Variants in LAMA2 observed in about 807,000 individuals in gnomAD.
LAMA2 encodes laminin subunit alpha-2.
In LAMA2, 269 loss-of-function variants were observed where a neutral mutation model predicts 364.8. The ratio of observed to expected loss-of-function variants is 0.74; its 90% CI spans 0.67 to 0.82. The LOEUF is 0.82. Among genes scored for constraint, LAMA2 ranks in the 40% least tolerant of loss-of-function variants. The pLI is 0.00. For synonymous variants in LAMA2, 1,379 were observed against 1,370.6 expected (o/e 1.01, Z -0.14); for missense variants, 3,807 against 3,873.2 (o/e 0.98, Z 0.45).
intron 3 of LAMA2, among the ~76,000 whole-genome samples, chr6:129,064,334 T>A: frequency 7.9e-6 from 1 of 127,110 alleles, no homozygotes; most frequent in Admixed American, 7.7e-5. Context: ...GATCTAAAAT[T>A]AACAACCTAA....
chr6:129,032,148 T>C (rs1786277791), intron 1 of LAMA2, among the ~76,000 whole-genome samples: 1 of 152,244 alleles, frequency 6.6e-6, no homozygotes, highest in South Asian at 2.1e-4. Flanking sequence ...GGAGAATCCC[T>C]TTATGTGTCC....
intron 12 of LAMA2, among the ~76,000 whole-genome samples, chr6:129,227,402 G>A (rs113156266): frequency 1.4e-4 from 21 of 152,206 alleles, no homozygotes; most frequent in Admixed American, 5.9e-4. Flanking sequence ...AGGAGGAGAG[G>A]CGCTCTGATT....
chr6:128,934,815 T>C (rs932476070), intron 1 of LAMA2, among the ~76,000 whole-genome samples: 3 of 152,212 alleles, frequency 2.0e-5, no homozygotes, highest in African/African-American at 7.2e-5. Flanking sequence ...GGCCATTTTT[T>C]CTACATTTTC....
chr6:129,191,740 T>C (rs908838089), intron 11 of LAMA2, among the ~76,000 whole-genome samples: 5 of 152,220 alleles, frequency 3.3e-5, no homozygotes, highest in South Asian at 2.1e-4. Flanking sequence ...AAATAGTCTA[T>C]GAAGAAATTT....
intron 10 of LAMA2, among the ~76,000 whole-genome samples, chr6:129,185,176 T>C (rs1781156256): frequency 6.6e-6 from 1 of 151,886 alleles, no homozygotes; most frequent in Admixed American, 6.6e-5. Flanking sequence ...TCAGTAGTAC[T>C]CCCAGCTGAC....
rs981372351 is a variant in LAMA2 at position 129,492,483 on chromosome 6, T to C, written c.8244T>C (p.His2748=). The C allele has an allele frequency of 1.3e-5, 21 of 1,603,766 alleles. No individual in the cohort carries two copies. Among genetic ancestry groups the C allele is most frequent in the Admixed American group, 8.3e-5 (5 of 59,892 alleles). ...AFPTPTPVLT[H]GPCAAESEPA... ...CTACGCCCACCCCAGTTCTGACACA[T>C]GTAAGTGTTTATATTATCCCCATTG... The change falls in exon 58 of 65, where the codon CAT becomes CAC. Residue 2748 remains histidine, a splice_region_variant and synonymous_variant. Coordinates refer to ENST00000421865, the MANE Select transcript of LAMA2 (RefSeq NM_000426.4).
Position 129,502,745 on chromosome 6 carries a change from A to G in LAMA2, c.8331A>G (p.Ala2777=), listed in dbSNP as rs1232909544. ...GLSRNSHIAI[A]FDDTKVKNRL... ...CAAGAAACAGTCACATTGCAATTGC[A>G]TTTGATGACACCAAAGTTAAAAACC... Residue 2777 remains alanine, a synonymous_variant, in exon 59 of 65, where the codon GCA becomes GCG. Transcript: ENST00000421865. 1 of 1,613,242 alleles carries G rather than the reference A, an allele frequency of 6.2e-7. No individual in the cohort carries two copies. Among genetic ancestry groups the G allele is most frequent in the Non-Finnish European group, 8.5e-7 (1 of 1,179,196 alleles).
chr6:129,098,331 C>T lies in LAMA2; in HGVS notation c.555C>T (p.Arg185=), dbSNP rs757937666. ...TAACGCTTTACAATATTTATCCCCG[C>T]ACTGGGCCACCGTCATATGCCAAAG... ...ECLTLYNIYP[R]TGPPSYAKDD... is the part of the protein sequence containing the mutation. The change falls in exon 4 of 65, where the codon CGC becomes CGT. Residue 185 remains arginine (R), a synonymous_variant. Coordinates refer to ENST00000421865, the MANE Select transcript of LAMA2 (RefSeq NM_000426.4). 1.2e-6 allele frequency: 2 copies of T among 1,613,878 alleles called. No individual in the cohort carries two copies. Among genetic ancestry groups the T allele is most frequent in the Middle Eastern group, 1.6e-4 (1 of 6,084 alleles).
intron 4 of LAMA2, among the ~76,000 whole-genome samples, chr6:129,109,413 G>A (rs1374014211): frequency 6.6e-6 from 1 of 152,014 alleles, no homozygotes; most frequent in African/African-American, 2.4e-5. Flanking sequence ...TTCTATAAGA[G>A]AGAACATAAT....
chr6:129,381,439 T>C (rs1778684312), intron 34 of LAMA2, among the ~76,000 whole-genome samples: 1 of 151,994 alleles, frequency 6.6e-6, no homozygotes, highest in African/African-American at 2.4e-5. Context: ...TGACCTTAGT[T>C]AGTGATTCAG....
intron 1 of LAMA2, among the ~76,000 whole-genome samples, chr6:129,010,215 C>T (rs1409794911): frequency 6.6e-6 from 1 of 152,146 alleles, no homozygotes; most frequent in African/African-American, 2.4e-5. Context: ...TATCTTGGGA[C>T]AGACTTATAT....
At chr6:129,405,116 A>G (rs1780182093) in intron 40 of LAMA2, among the ~76,000 whole-genome samples, 1 of 152,078 alleles carries the variant, frequency 6.6e-6, no homozygotes, top group Non-Finnish European at 1.5e-5. Flanking sequence ...ATCTTCTGTT[A>G]GATAATTTTC....
chr6:129,357,039 C>T (rs1281159983), intron 32 of LAMA2, among the ~76,000 whole-genome samples: 1 of 151,976 alleles, frequency 6.6e-6, no homozygotes, highest in African/African-American at 2.4e-5. Context: ...TTATTAATTT[C>T]CCAAATTAAG....
chr6:129,300,045 T>C (rs1773453151), intron 21 of LAMA2, among the ~76,000 whole-genome samples: 1 of 152,192 alleles, frequency 6.6e-6, no homozygotes, highest in Non-Finnish European at 1.5e-5. Context: ...GAAGATATTC[T>C]CAAACATTAT....
In LAMA2 at chr6:128,994,264, A is replaced by G. The variant is rs1783785798; in HGVS notation, c.113-55654A>G. On this transcript the variant is annotated intron_variant, in intron 1 of 64. Coordinates refer to ENST00000421865, the MANE Select transcript of LAMA2 (RefSeq NM_000426.4). ...ATTATTGCATTAGCTTAGTCAGTTT[A>G]CAGCTAGCTAGACAGTGCAAACTTG... Among the ~76,000 whole-genome samples, 3 of 152,338 alleles carry G rather than the reference A, an allele frequency of 2.0e-5. No individual in the cohort carries two copies. The South Asian group carries it at 6.2e-4, about 32-fold the overall frequency.
chr6:129,279,953 G>A, intron 17 of LAMA2, 108 bp from the exon 18 acceptor site: 3 of 774,574 alleles, frequency 3.9e-6, no homozygotes, highest in Non-Finnish European at 7.0e-6. Context: ...TGACCAGCCT[G>A]TACTCTTTTG....
chr6:129,242,717 C>T (rs1785478110), intron 12 of LAMA2, among the ~76,000 whole-genome samples: 1 of 152,124 alleles, frequency 6.6e-6, no homozygotes, highest in Non-Finnish European at 1.5e-5. Context: ...AAACAAACAG[C>T]TGTTGCAAAG....
chr6:129,130,764 TA>T (rs1777423930), intron 4 of LAMA2, among the ~76,000 whole-genome samples: 1 of 152,158 alleles, frequency 6.6e-6, no homozygotes, highest in Non-Finnish European at 1.5e-5. Context: ...CAAATAAGCA[TA>T]AAAATAATGC....
intron 32 of LAMA2, among the ~76,000 whole-genome samples, chr6:129,365,379 G>A (rs913965397): frequency 6.6e-6 from 1 of 151,934 alleles, no homozygotes; most frequent in African/African-American, 2.4e-5. Context: ...TTTATTTTTT[G>A]GGGGGTGGAG....
Sources: allele counts gnomAD v4.1 joint callset (sites outside exome capture counted in the v4.1 genomes callset), GRCh38; gene constraint gnomAD v4.1.1; transcripts MANE v1.5; gene names NCBI Gene and HGNC (gene_info 2026-07-23, HGNC 2026-07-21).